NOTCH2: variants seen among roughly 807,000 people sequenced by gnomAD.
The protein encoded by NOTCH2 is notch receptor 2.
NOTCH2 carries 29 observed loss-of-function variants against 235.8 expected under a neutral mutation model. That is an observed-to-expected ratio of 0.12 (90% CI 0.09 to 0.17). The LOEUF (loss-of-function observed/expected upper bound fraction) is 0.17, where lower values mean the gene tolerates loss of function less well. Among genes scored for constraint, NOTCH2 ranks in the 10% least tolerant of loss-of-function variants. NOTCH2 has a pLI of 1.00. For synonymous variants in NOTCH2, 1,086 were observed against 1,141.5 expected (o/e 0.95, Z 0.98); for missense variants, 2,285 against 3,150.2 (o/e 0.73, Z 6.57).
chr1:120,041,935 AAAAGAAAG>A (rs1156273984), intron 1 of NOTCH2, among the ~76,000 whole-genome samples: 3 of 146,164 alleles, frequency 2.1e-5, no homozygotes, highest in Non-Finnish European at 3.0e-5. Context: ...GGAAGGAAGC[AAAAGAAAG>A]AAAGGAGAGA....
chr1:120,023,264 C>T (rs1553209356), intron 2 of NOTCH2, among the ~76,000 whole-genome samples: 2 of 150,836 alleles, frequency 1.3e-5, no homozygotes, highest in South Asian at 4.2e-4. Context: ...AGTGAAACCC[C>T]GTCTCTACTA....
intron 1 of NOTCH2, among the ~76,000 whole-genome samples, chr1:120,047,760 C>T (rs1182005750): frequency 7.0e-6 from 1 of 142,834 alleles, no homozygotes; most frequent in East Asian, 2.0e-4. Context: ...AATTACTTTA[C>T]CTTGGTTTTT....
intron 4 of NOTCH2, among the ~76,000 whole-genome samples, chr1:119,988,425 G>C (rs1301956317): frequency 4.6e-5 from 7 of 152,098 alleles, no homozygotes; most frequent in Non-Finnish European, 1.0e-4. Context: ...CATTCAAGCA[G>C]ATGAATCACT....
rs780904643 is a variant in NOTCH2, at chr1:119,920,402, A to C, written c.5311-5T>G. 3.1e-6 allele frequency: 5 copies of C among 1,614,126 alleles called. No individual in the cohort carries two copies. Among genetic ancestry groups the C allele is most frequent in the Non-Finnish European group, 4.2e-6 (5 of 1,180,016 alleles). On this transcript the variant is annotated splice_region_variant and splice_polypyrimidine_tract_variant and intron_variant, in intron 29 of 33. Coordinates refer to ENST00000256646, the MANE Select transcript of NOTCH2 (RefSeq NM_024408.4). ...GAGTAAGGCCTCATCTTCAGCCTGA[A>C]AGGTGAAAACAATGCTCCCTATCAA...
chr1:119,941,547 T>C lies in NOTCH2; in HGVS notation c.2960A>G (p.Asn987Ser). 1 of 1,613,688 alleles carries C rather than the reference T, an allele frequency of 6.2e-7. No individual in the cohort carries two copies. Among genetic ancestry groups the C allele is most frequent in the Non-Finnish European group, 8.5e-7 (1 of 1,179,612 alleles). ...AGFDGVHCEN[N>S]INECTESSCF... Reference sequence around the variant, plus strand: ...TCACCTCTCAGTGCACTCATTGATGTTGTTCTCACAATGGACTCCATCAAA... The same window carrying C: ...TCACCTCTCAGTGCACTCATTGATGCTGTTCTCACAATGGACTCCATCAAA... The change falls in exon 18 of 34, where the codon AAC (asparagine) becomes AGC (serine). Residue 987 changes from asparagine (N) to serine (S), a missense_variant. Asn to Ser is a conservative substitution (Grantham distance 46). Around this residue, in one of 6 missense-constraint regions of NOTCH2, gnomAD observed 1,173 missense variants for 1,515.3 expected, o/e 0.77. Coordinates refer to ENST00000256646, the MANE Select transcript of NOTCH2 (RefSeq NM_024408.4).
rs1028029999 is a variant in NOTCH2 at position 119,930,413 on chromosome 1, C to T, written c.3656-1201G>A. Reference sequence around the variant, plus strand: ...ATGAGCCATCTAGTATGAATATCTGCATATAGTGTCTTACAAAGAAACAAA... The same window carrying T: ...ATGAGCCATCTAGTATGAATATCTGTATATAGTGTCTTACAAAGAAACAAA... On this transcript the variant is annotated intron_variant, in intron 22 of 33. Transcript: ENST00000256646. Among the ~76,000 whole-genome samples, 6 of 150,020 alleles carry T rather than the reference C, an allele frequency of 4.0e-5. No individual in the cohort carries two copies. In the South Asian group the frequency reaches 1.3e-3, roughly 32 times the overall value.
intron 3 of NOTCH2, among the ~76,000 whole-genome samples, chr1:119,999,976 A>AAAGAAAGAAAGAAAGG (rs1270244149): frequency 4.6e-4 from 26 of 56,640 alleles, no homozygotes; most frequent in Non-Finnish European, 8.8e-4. Flanking sequence ...AGAAAGAAAG[A>AAAGAAAGAAAGAAAGG]AAGGAAGGAA....
chr1:119,926,449 T>C (rs1192969774), intron 24 of NOTCH2, 50 bp downstream of exon 24: 1 of 1,304,804 alleles, frequency 7.7e-7, no homozygotes, highest in South Asian at 1.2e-5. Flanking sequence ...TGTTCACAGA[T>C]TGTATGGAAG....
At chr1:119,953,729 GT>G in intron 13 of NOTCH2, 41 bp from the exon 14 acceptor site, 1 of 1,553,474 alleles carries the variant, frequency 6.4e-7, no homozygotes, top group Non-Finnish European at 8.9e-7. Context: ...AGGTATAAAC[GT>G]ATGATTGAGT....
At chr1:119,996,383 T>G (rs1450119240) in intron 4 of NOTCH2, 46 of 478,336 alleles carry the variant, frequency 9.6e-5, no homozygotes, top group South Asian at 8.6e-5. Flanking sequence ...CATCAAAAAG[T>G]GCTCACTGAT....
chr1:119,953,115 C>A (rs1362204589), intron 14 of NOTCH2, among the ~76,000 whole-genome samples: 1 of 152,126 alleles, frequency 6.6e-6, no homozygotes, highest in Non-Finnish European at 1.5e-5. Flanking sequence ...AGTTCATGAC[C>A]AGCCTAACCA....
chr1:119,969,808 C>T, intron 5 of NOTCH2, 64 bp from the exon 6 acceptor site: 3 of 1,351,216 alleles, frequency 2.2e-6, no homozygotes, highest in Non-Finnish European at 3.2e-6. Context: ...ACCATACCAG[C>T]CCCCCACACT....
chr1:119,917,905 T>G (rs986268080), intron 32 of NOTCH2, 143 bp from the exon 33 acceptor site: 9 of 685,092 alleles, frequency 1.3e-5, no homozygotes, highest in Non-Finnish European at 2.1e-5. Context: ...ACCAAAGTAA[T>G]CTCTTCTTTT....
At position 119,953,665 on chromosome 1, in the gene NOTCH2, C is replaced by T. The variant is rs782151048; in HGVS notation, c.2243G>A (p.Gly748Asp). The T allele has an allele frequency of 5.2e-5, 84 of 1,613,990 alleles. 1 individual carries two copies. The highest frequency in any genetic ancestry group is 8.3e-5 in the Admixed American group (5 of 60,008). ...CACTTCACAGTTGATGCCAACCCAGCCTGCATCACAGAGACACTTATATCT... is the reference window on the plus strand; with the variant it reads ...CACTTCACAGTTGATGCCAACCCAGTCTGCATCACAGAGACACTTATATCT... ...LSGYKCLCDAGWVGINCEVDK... is the reference protein window; with the variant it reads ...LSGYKCLCDADWVGINCEVDK... The change falls in exon 14 of 34, where the codon GGC becomes GAC. Residue 748 changes from glycine (G) to aspartate (D), a missense_variant. This residue lies in a region of NOTCH2 where 1,173 missense variants were observed against 1,515.3 expected (regional missense o/e 0.77). Transcript: ENST00000256646.
At chr1:119,952,667 T>A (rs1205071358) in intron 14 of NOTCH2, among the ~76,000 whole-genome samples, 2 of 152,170 alleles carry the variant, frequency 1.3e-5, no homozygotes, top group Middle Eastern at 3.2e-3. Context: ...TAAATACAGA[T>A]GAAGCTTTGC....
intron 10 of NOTCH2, among the ~76,000 whole-genome samples, chr1:119,964,804 G>A (rs1399793755): frequency 2.0e-5 from 3 of 152,180 alleles, no homozygotes; most frequent in Non-Finnish European, 4.4e-5. Context: ...ATTTGCCTGT[G>A]TAAAAGGAAA....
intron 2 of NOTCH2, among the ~76,000 whole-genome samples, chr1:120,023,956 G>A (rs1463825276): frequency 6.6e-6 from 1 of 152,002 alleles, no homozygotes; most frequent in Non-Finnish European, 1.5e-5. Context: ...TAAATAGCAT[G>A]CAATAAATAA....
At position 120,065,482 on chromosome 1, in the gene NOTCH2, C is replaced by T. The variant is rs879397074; in HGVS notation, c.73+3852G>A. On this transcript the variant is annotated intron_variant, in intron 1 of 33. Transcript: ENST00000256646. ...TTGTGCACATAAGCGCATTTGTACA[C>T]GAGATGGAAGCAATGAGGACAGTGA... Among the ~76,000 whole-genome samples the T allele has an allele frequency of 1.7e-3, 255 of 152,214 alleles. 3 individuals carry two copies. The highest frequency in any genetic ancestry group is 1.8e-3 in the Non-Finnish European group (122 of 68,024).
chr1:119,944,645 A>G (rs1553196849), intron 17 of NOTCH2, among the ~76,000 whole-genome samples: 2 of 152,046 alleles, frequency 1.3e-5, no homozygotes, highest in African/African-American at 2.4e-5. Flanking sequence ...AGAGAATTAT[A>G]TATGAAGGAA....
Sources: gnomAD v4.1 joint callset for allele counts (sites outside exome capture counted in the v4.1 genomes callset) on GRCh38, gnomAD v4.1.1 for gene constraint, gnomAD v4.1.1 regional missense constraint, MANE v1.5 for transcripts, NCBI Gene and HGNC (gene_info 2026-07-23, HGNC 2026-07-21) for gene names.